The following TYW1 variants were observed in gnomAD, a reference collection of about 807,000 sequenced individuals.
The protein encoded by TYW1 is tRNA-yW synthesizing protein 1 homolog.
TYW1 carries 46 observed loss-of-function variants against 96.2 expected under a neutral mutation model. The observed-to-expected ratio is 0.48, with a 90% CI of 0.38 to 0.61. The LOEUF is 0.61. Ranked by LOEUF, TYW1 falls within the 20% of genes least tolerant of loss-of-function variation. The pLI, the probability that TYW1 is intolerant of heterozygous loss-of-function variation, is 0.00. For missense variants in TYW1, 684 were observed against 909.6 expected (o/e 0.75, Z 3.19); for synonymous variants, 274 against 323.0 (o/e 0.85, Z 1.63).
At chr7:67,052,259 T>C (rs1169108046) in intron 8 of TYW1, among the ~76,000 whole-genome samples, 3 of 152,122 alleles carry the variant, frequency 2.0e-5, no homozygotes, top group Admixed American at 6.6e-5. Flanking sequence ...CCCACCCACT[T>C]GCTTCCTAGA....
chr7:67,177,647 A>G (rs1186361850), intron 13 of TYW1, among the ~76,000 whole-genome samples: 1 of 152,242 alleles, frequency 6.6e-6, no homozygotes, highest in East Asian at 1.9e-4. Context: ...TGCAAAGCCA[A>G]AACAATGCAA....
intron 15 of TYW1, among the ~76,000 whole-genome samples, chr7:67,200,547 T>C (rs973612031): frequency 1.1e-4 from 17 of 152,088 alleles, no homozygotes; most frequent in Non-Finnish European, 2.1e-4. Flanking sequence ...CACCCCATGA[T>C]TCAGTTATCT....
rs564294774 is a variant in TYW1 at position 67,209,164 on chromosome 7, C to T, written c.1977+13827C>T. On this transcript the variant is annotated intron_variant, in intron 15 of 15. Coordinates refer to ENST00000359626, the MANE Select transcript of TYW1 (RefSeq NM_018264.4). ...GCTCAATGACCTTGGCTTTGAGCAG[C>T]GGAAAGACAAATCCCACTCACATTC... 5.3e-5 allele frequency among the ~76,000 whole-genome samples: 8 copies of T among 152,186 alleles called. No homozygotes were observed. The South Asian group carries it at 8.3e-4, about 16-fold the overall frequency.
In TYW1 at chr7:67,089,384, T is replaced by C. The variant is rs1342771405; in HGVS notation, c.1384+5845T>C. The C allele has an allele frequency of 4.9e-6, 6 of 1,218,958 alleles. No individual in the cohort carries two copies. The East Asian group carries it at 1.4e-4, about 29-fold the overall frequency. The allele number at this position is 1,218,958 out of a possible 1,614,324, so 75.5% of individuals were successfully genotyped here. A position where few individuals can be genotyped will look rare whatever the true frequency, so the allele number is the denominator to read the frequency against. ...AGGCTTAGGTATCCAGTGCAGGGCATCTGGTGGGGAGGCCTGCTGGTAAAG... is the reference window on the plus strand; with the variant it reads ...AGGCTTAGGTATCCAGTGCAGGGCACCTGGTGGGGAGGCCTGCTGGTAAAG... On this transcript the variant is annotated intron_variant, in intron 11 of 15. Transcript: ENST00000359626.
intron 7 of TYW1, among the ~76,000 whole-genome samples, chr7:67,034,109 A>AT (rs11324667): frequency 4.2e-4 from 59 of 141,310 alleles, no homozygotes; most frequent in South Asian, 1.1e-3. Context: ...TTTTTATTTT[A>AT]TTTTTTTTTT....
At chr7:67,030,707 T>G (rs1794643357) in intron 7 of TYW1, among the ~76,000 whole-genome samples, 1 of 151,914 alleles carries the variant, frequency 6.6e-6, no homozygotes, top group African/African-American at 2.4e-5. Flanking sequence ...GATAAAGGGC[T>G]GGTTTCAGGA....
chr7:67,044,465 C>T (rs923437845), intron 7 of TYW1, among the ~76,000 whole-genome samples: 3 of 152,004 alleles, frequency 2.0e-5, no homozygotes, highest in Non-Finnish European at 2.9e-5. Flanking sequence ...TCTAAGTTTC[C>T]GGGTCTGGAA....
At chr7:67,006,404 T>A (rs142823777) in intron 3 of TYW1, among the ~76,000 whole-genome samples, 73 of 152,038 alleles carry the variant, frequency 4.8e-4, no homozygotes, top group African/African-American at 6.5e-4. Context: ...GTCTTTTTTT[T>A]ATAAATTGCC....
At chr7:67,168,570 T>C (rs1799422225) in intron 13 of TYW1, among the ~76,000 whole-genome samples, 1 of 152,212 alleles carries the variant, frequency 6.6e-6, no homozygotes, top group South Asian at 2.1e-4. Flanking sequence ...TTTGTACATT[T>C]CATTTAAATT....
chr7:67,191,988 C>G (rs1241846022), intron 14 of TYW1, among the ~76,000 whole-genome samples: 1 of 151,612 alleles, frequency 6.6e-6, no homozygotes, highest in Non-Finnish European at 1.5e-5. Context: ...CTCCGCCTGC[C>G]GGGTTCGAGC....
chr7:67,118,873 T>C, intron 13 of TYW1, among the ~76,000 whole-genome samples: 1 of 99,592 alleles, frequency 1.0e-5, no homozygotes. Flanking sequence ...GTGAGACCCC[T>C]ATCTGAAAAA....
chr7:67,158,807 G>A (rs1198153143), intron 13 of TYW1, among the ~76,000 whole-genome samples: 3 of 151,948 alleles, frequency 2.0e-5, no homozygotes, highest in East Asian at 1.9e-4. Flanking sequence ...TCCTGACCTC[G>A]TGATCTGCCC....
intron 15 of TYW1, among the ~76,000 whole-genome samples, chr7:67,204,932 A>G (rs1218907719): frequency 6.6e-6 from 1 of 152,122 alleles, no homozygotes; most frequent in Non-Finnish European, 1.5e-5. Context: ...ATTGAAGCAC[A>G]TTTGTGATGG....
chr7:67,092,339 T>A (rs71563158), intron 11 of TYW1, among the ~76,000 whole-genome samples: 2 of 151,692 alleles, frequency 1.3e-5, no homozygotes, highest in Admixed American at 6.6e-5. Flanking sequence ...TCCTTGCCCC[T>A]CTGTTCTCAA....
intron 13 of TYW1, among the ~76,000 whole-genome samples, chr7:67,154,305 A>G (rs535196934): frequency 1.4e-4 from 21 of 152,256 alleles, no homozygotes; most frequent in African/African-American, 5.1e-4. Flanking sequence ...ATAAACTTGT[A>G]TTTTGGAACA....
chr7:67,034,554 C>T (rs1266440432), intron 7 of TYW1, among the ~76,000 whole-genome samples: 1 of 151,984 alleles, frequency 6.6e-6, no homozygotes, highest in Non-Finnish European at 1.5e-5. Flanking sequence ...CTTTTATAAA[C>T]ACATTTGTTT....
At chr7:67,198,959 A>G (rs1438091612) in intron 15 of TYW1, among the ~76,000 whole-genome samples, 1 of 151,962 alleles carries the variant, frequency 6.6e-6, no homozygotes, top group Non-Finnish European at 1.5e-5. Context: ...ACTTTGGGAG[A>G]CCGAGGCAGG....
At chr7:67,214,789 A>G (rs1478063561) in intron 15 of TYW1, among the ~76,000 whole-genome samples, 2 of 141,880 alleles carry the variant, frequency 1.4e-5, no homozygotes, top group South Asian at 2.3e-4. Flanking sequence ...TAGCCTATTG[A>G]TATGACAGAT....
chr7:67,117,736 T>C, intron 13 of TYW1, 118 bp downstream of exon 13: 1 of 1,285,372 alleles, frequency 7.8e-7, no homozygotes, highest in Non-Finnish European at 1.0e-6. Context: ...CTCTTTAAAA[T>C]AAAAAAAGAT....
Sources: allele counts gnomAD v4.1 joint callset (sites outside exome capture counted in the v4.1 genomes callset), GRCh38; gene constraint gnomAD v4.1.1; transcripts MANE v1.5; gene names NCBI Gene and HGNC (gene_info 2026-07-23, HGNC 2026-07-21).